Variants in EEA1 observed in about 807,000 individuals in gnomAD.
The protein encoded by EEA1 is early endosome antigen 1, 162kD.
EEA1 carries 111 observed loss-of-function variants against 209.2 expected under a neutral mutation model. That is an observed-to-expected ratio of 0.53 (90% CI 0.45 to 0.62). EEA1 has a LOEUF of 0.62. Ranked by LOEUF, EEA1 falls within the 20% of genes least tolerant of loss-of-function variation. The probability of loss-of-function intolerance (pLI) is 0.00; values close to 1 mark genes in which losing one functional copy is unlikely to be tolerated. For synonymous variants in EEA1, 536 were observed against 540.6 expected (o/e 0.99, Z 0.12); for missense variants, 1,343 against 1,530.8 (o/e 0.88, Z 2.05).
intron 9 of EEA1, 86 bp downstream of exon 9, chr12:92,851,025 G>A: frequency 7.4e-7 from 1 of 1,343,486 alleles, no homozygotes; most frequent in South Asian, 1.7e-5. Flanking sequence ...AGGCCACTCA[G>A]AAAAATCTCA....
At chr12:92,804,245 T>C (rs1049972960) in intron 18 of EEA1, among the ~76,000 whole-genome samples, 3 of 152,156 alleles carry the variant, frequency 2.0e-5, no homozygotes, top group African/African-American at 4.8e-5. Context: ...GTTTGAATTT[T>C]ACCAAGAATG....
intron 1 of EEA1, among the ~76,000 whole-genome samples, chr12:92,913,239 AT>A (rs1880642111): frequency 6.6e-6 from 1 of 152,258 alleles, no homozygotes; most frequent in African/African-American, 2.4e-5. Context: ...TGTAACAGCC[AT>A]TCTGACTGGT....
At chr12:92,884,586 G>C in intron 2 of EEA1, 2 of 1,471,244 alleles carry the variant, frequency 1.4e-6, no homozygotes, top group Non-Finnish European at 1.9e-6. Context: ...GGAAACTTTG[G>C]AGGCAGAAGC....
chr12:92,803,302 C>T (rs1453574466), intron 18 of EEA1, among the ~76,000 whole-genome samples: 1 of 151,936 alleles, frequency 6.6e-6, no homozygotes, highest in Non-Finnish European at 1.5e-5. Context: ...GCAGATTATA[C>T]AAAGGATTTG....
At chr12:92,868,091 TCTC>T (rs999884079) in intron 2 of EEA1, among the ~76,000 whole-genome samples, 1 of 152,076 alleles carries the variant, frequency 6.6e-6, no homozygotes, top group African/African-American at 2.4e-5. Flanking sequence ...AATGCAATAA[TCTC>T]CTATGAAACT....
Position 92,813,631 on chromosome 12 carries a change from A to T in EEA1, c.1930-538T>A, listed in dbSNP as rs557474197. 2.2e-3 allele frequency among the ~76,000 whole-genome samples: 333 copies of T among 152,302 alleles called. 1 individual carries two copies. The highest frequency in any genetic ancestry group is 0.014 in the South Asian group (66 of 4,824). On this transcript the variant is annotated intron_variant, in intron 15 of 28. Transcript: ENST00000322349. ...ATTAAAAATTCAAGGCTGCCAATAA[A>T]ATCAAACAAGCAAAAAGATCTATCT... is the stretch of plus-strand genomic sequence containing the variant.
At position 92,781,933 on chromosome 12, in the gene EEA1, T is replaced by C; in HGVS notation, c.3336+17A>G. 6.3e-7 allele frequency: 1 copy of C among 1,592,560 alleles called. No homozygotes were observed. The highest frequency in any genetic ancestry group is 8.6e-7 in the Non-Finnish European group (1 of 1,166,594). On this transcript the variant is annotated intron_variant, in intron 23 of 28. Coordinates refer to ENST00000322349, the MANE Select transcript of EEA1 (RefSeq NM_003566.4). Reference sequence around the variant, plus strand: ...GTAACTCTAAGATTGTAGATTTAGGTCAGAAACATGCAATACCTTTTCTTT... The same window carrying C: ...GTAACTCTAAGATTGTAGATTTAGGCCAGAAACATGCAATACCTTTTCTTT...
At chr12:92,839,798 A>C (rs539442907) in intron 10 of EEA1, among the ~76,000 whole-genome samples, 1 of 152,212 alleles carries the variant, frequency 6.6e-6, no homozygotes, top group Non-Finnish European at 1.5e-5. Context: ...CATTTTGAGA[A>C]TGTAAAAAGA....
At chr12:92,810,580 G>A (rs1275984822) in intron 17 of EEA1, among the ~76,000 whole-genome samples, 1 of 151,982 alleles carries the variant, frequency 6.6e-6, no homozygotes, top group African/African-American at 2.4e-5. Flanking sequence ...GCTTCACCGG[G>A]TTGAGGAAGT....
rs1373684794 is a variant in EEA1, at chr12:92,853,040, C to A, written c.407-15G>T. The A allele has an allele frequency of 1.3e-6, 2 of 1,507,742 alleles. No individual in the cohort carries two copies. Among genetic ancestry groups the A allele is most frequent in the South Asian group, 2.4e-5 (2 of 83,456 alleles). The allele number at this position is 1,507,742 out of a possible 1,614,324, so 93.4% of individuals were successfully genotyped here. A position where few individuals can be genotyped will look rare whatever the true frequency, so the allele number is the denominator to read the frequency against. On this transcript the variant is annotated splice_polypyrimidine_tract_variant and intron_variant, in intron 6 of 28. Coordinates refer to ENST00000322349, the MANE Select transcript of EEA1 (RefSeq NM_003566.4). Reference sequence around the variant, plus strand: ...AGACTGTAGTTCTACAAAAAAGTGTCGCAGTTATTCAAATACCATGTTAAT... The same window carrying A: ...AGACTGTAGTTCTACAAAAAAGTGTAGCAGTTATTCAAATACCATGTTAAT...
chr12:92,782,802 C>T, intron 22 of EEA1, among the ~76,000 whole-genome samples: 1 of 152,170 alleles, frequency 6.6e-6, no homozygotes, highest in East Asian at 1.9e-4. Flanking sequence ...ATCTTCTTCC[C>T]CACCCCATTT....
intron 2 of EEA1, among the ~76,000 whole-genome samples, chr12:92,891,222 C>A (rs1187969358): frequency 6.7e-6 from 1 of 150,104 alleles, no homozygotes. Flanking sequence ...ATATCAAAGA[C>A]AAAAGTCCTT....
chr12:92,898,650 C>T (rs867501342), intron 1 of EEA1, among the ~76,000 whole-genome samples: 7 of 138,066 alleles, frequency 5.1e-5, no homozygotes, highest in Admixed American at 1.5e-4. Context: ...GGTGACAGAG[C>T]GAGACTCCAT....
intron 10 of EEA1, among the ~76,000 whole-genome samples, chr12:92,841,541 C>G (rs1232198925): frequency 6.6e-6 from 1 of 151,998 alleles, no homozygotes; most frequent in Non-Finnish European, 1.5e-5. Context: ...GGGTTAATAT[C>G]CAGAATATAT....
intron 13 of EEA1, among the ~76,000 whole-genome samples, chr12:92,821,575 T>C (rs1876053752): frequency 6.6e-6 from 1 of 152,154 alleles, no homozygotes; most frequent in Non-Finnish European, 1.5e-5. Context: ...AATTTCTGGT[T>C]CCGGTTTCAA....
intron 21 of EEA1, among the ~76,000 whole-genome samples, chr12:92,797,221 G>C (rs1457238854): frequency 6.6e-6 from 1 of 152,116 alleles, no homozygotes; most frequent in Non-Finnish European, 1.5e-5. Flanking sequence ...CGGAGTAGCT[G>C]GGACTACAGG....
At chr12:92,858,227 T>A in intron 3 of EEA1, 1 of 716,338 alleles carries the variant, frequency 1.4e-6, no homozygotes, top group Non-Finnish European at 2.6e-6. Flanking sequence ...TTCAACAAAA[T>A]CCTGATGCCA....
At chr12:92,842,881 T>C (rs1877230026) in intron 9 of EEA1, among the ~76,000 whole-genome samples, 1 of 152,234 alleles carries the variant, frequency 6.6e-6, no homozygotes, top group East Asian at 1.9e-4. Flanking sequence ...GTTCTTAAAC[T>C]CTATACTTCA....
intron 2 of EEA1, among the ~76,000 whole-genome samples, chr12:92,881,470 GA>G (rs1328047763): frequency 6.6e-6 from 1 of 151,966 alleles, no homozygotes; most frequent in Admixed American, 6.6e-5. Context: ...AAAGAAAGGC[GA>G]TGCAGTACTG....
Sources: gnomAD v4.1 joint callset for allele counts (sites outside exome capture counted in the v4.1 genomes callset) on GRCh38, gnomAD v4.1.1 for gene constraint, MANE v1.5 for transcripts, NCBI Gene and HGNC (gene_info 2026-07-23, HGNC 2026-07-21) for gene names.